Variants in SHTN1 observed in about 807,000 individuals in gnomAD.
The protein encoded by SHTN1 is shootin 1.
In SHTN1, 42 loss-of-function variants were observed where a neutral mutation model predicts 83.1. The ratio of observed to expected loss-of-function variants is 0.51; its 90% CI spans 0.39 to 0.65. The LOEUF is 0.65. SHTN1 is among the 30% of genes least tolerant of loss of function. The probability of loss-of-function intolerance (pLI) is 0.00; values close to 1 mark genes in which losing one functional copy is unlikely to be tolerated. For synonymous variants in SHTN1, 224 were observed against 247.7 expected, an observed-to-expected ratio of 0.90 and a Z score of 0.90; for missense variants, 622 against 737.8, an observed-to-expected ratio of 0.84 and a Z score of 1.82.
chr10:117,027,864 T>C (rs912769928), intron 2 of SHTN1, among the ~76,000 whole-genome samples: 3 of 152,180 alleles, frequency 2.0e-5, no homozygotes, highest in African/African-American at 7.2e-5. Flanking sequence ...AGGTGGGGCA[T>C]TGCTATAAAG....
intron 7 of SHTN1, 124 bp from the exon 8 acceptor site, chr10:116,945,142 G>C (rs772146054): frequency 1.1e-5 from 7 of 658,616 alleles, no homozygotes; most frequent in East Asian, 2.6e-5. Flanking sequence ...ATGCATTCCT[G>C]GTTGGCATAC....
At chr10:117,113,704 G>T (rs1853801241) in intron 1 of SHTN1, among the ~76,000 whole-genome samples, 1 of 152,184 alleles carries the variant, frequency 6.6e-6, no homozygotes, top group Non-Finnish European at 1.5e-5. Flanking sequence ...AGGCGTTCAA[G>T]ACCCGCCTAG....
rs189203169 is a variant in SHTN1 at position 116,988,990 on chromosome 10, T to C, written c.59-9682A>G. On this transcript the variant is annotated intron_variant, in intron 1 of 16. Transcript: ENST00000355371. Reference sequence around the variant, plus strand: ...ATTTAAAGCACAACAAAGTTTAAAATACATATATTTTTTGGATCCCACAAT... The same window carrying C: ...ATTTAAAGCACAACAAAGTTTAAAACACATATATTTTTTGGATCCCACAAT... 1.1e-4 allele frequency among the ~76,000 whole-genome samples: 16 copies of C among 152,254 alleles called. No homozygotes were observed. The East Asian group carries it at 2.7e-3, about 26-fold the overall frequency.
At chr10:117,084,149 TTC>T (rs1296495265) in intron 1 of SHTN1, among the ~76,000 whole-genome samples, 2 of 152,164 alleles carry the variant, frequency 1.3e-5, no homozygotes, top group African/African-American at 4.8e-5. Context: ...AGTTTTTCTG[TTC>T]TGTTTTTTCC....
chr10:117,012,316 T>C lies in SHTN1; in HGVS notation c.-122-33008A>G, dbSNP rs561302543. Among the ~76,000 whole-genome samples, 3 of 151,918 alleles carry C rather than the reference T, an allele frequency of 2.0e-5. No homozygotes were observed. In the East Asian group the frequency reaches 5.8e-4, roughly 29 times the overall value. Reference sequence around the variant, plus strand: ...CAAAAACTAGAATAGCCAAAACAATTCTGAATAAGAACAAAGTTGGAGGAC... The same window carrying C: ...CAAAAACTAGAATAGCCAAAACAATCCTGAATAAGAACAAAGTTGGAGGAC... On this transcript the variant is annotated intron_variant, in intron 2 of 17. Coordinates refer to the SHTN1 transcript ENST00000392901.
chr10:117,041,122 G>A lies in SHTN1; in HGVS notation c.-123+7323C>T, dbSNP rs1450821391. ...CCCCCGCCACCCCACAACAGGCCCC[G>A]GTGTTTAAAATGTTTTGTGTTACTT... On this transcript the variant is annotated intron_variant, in intron 2 of 17. Coordinates refer to the SHTN1 transcript ENST00000392901. Among the ~76,000 whole-genome samples, 7 of 127,802 alleles carry A rather than the reference G, an allele frequency of 5.5e-5. No individual in the cohort carries two copies. In the East Asian group the frequency reaches 7.7e-4, roughly 14 times the overall value. The allele number at this position is 127,802 out of a possible 152,430, so 83.8% of individuals were successfully genotyped here.
intron 1 of SHTN1, among the ~76,000 whole-genome samples, chr10:116,983,063 A>G (rs1158811569): frequency 6.6e-6 from 1 of 152,158 alleles, no homozygotes; most frequent in Non-Finnish European, 1.5e-5. Context: ...ATTTACAGGT[A>G]CAGTATATTT....
intron 2 of SHTN1, among the ~76,000 whole-genome samples, chr10:117,038,017 A>AAAAG (rs1852527103): frequency 6.6e-6 from 1 of 151,660 alleles, no homozygotes; most frequent in African/African-American, 2.4e-5. Flanking sequence ...AAAAAAAAAA[A>AAAAG]AAAATCAGTG....
intron 1 of SHTN1, among the ~76,000 whole-genome samples, chr10:117,062,545 G>A (rs996036439): frequency 6.6e-6 from 1 of 152,122 alleles, no homozygotes; most frequent in African/African-American, 2.4e-5. Context: ...ATGTCAGCAA[G>A]GCCATTTATC....
intron 7 of SHTN1, among the ~76,000 whole-genome samples, chr10:116,947,464 A>G (rs1418558942): frequency 6.6e-6 from 1 of 152,216 alleles, no homozygotes; most frequent in Non-Finnish European, 1.5e-5. Context: ...TACTCAATCT[A>G]CAGCCTCTTC....
intron 2 of SHTN1, among the ~76,000 whole-genome samples, chr10:117,029,529 G>A (rs1047585293): frequency 5.9e-5 from 9 of 152,208 alleles, no homozygotes; most frequent in Non-Finnish European, 1.3e-4. Context: ...CAATTGGAAT[G>A]CTGAATGTTG....
chr10:116,909,863 C>T (rs775269912), intron 14 of SHTN1, among the ~76,000 whole-genome samples: 1 of 152,008 alleles, frequency 6.6e-6, no homozygotes, highest in African/African-American at 2.4e-5. Context: ...ACAATAGAAC[C>T]GAACACAGTG....
chr10:116,994,846 G>C (rs1851570956), intron 1 of SHTN1, among the ~76,000 whole-genome samples: 1 of 95,664 alleles, frequency 1.0e-5, no homozygotes, highest in African/African-American at 3.6e-5. Context: ...AGGGCTCCCT[G>C]GAAGTCTGAA....
At chr10:116,914,692 C>A (rs1320928001) in intron 13 of SHTN1, among the ~76,000 whole-genome samples, 1 of 152,008 alleles carries the variant, frequency 6.6e-6, no homozygotes, top group East Asian at 1.9e-4. Flanking sequence ...TTTTCAAGAA[C>A]AATGTTTAAA....
intron 7 of SHTN1, among the ~76,000 whole-genome samples, chr10:116,946,068 G>A (rs1285310731): frequency 6.6e-6 from 1 of 151,812 alleles, no homozygotes; most frequent in African/African-American, 2.4e-5. Context: ...ACAAATAAAA[G>A]AAAGGAAATA....
intron 1 of SHTN1, among the ~76,000 whole-genome samples, chr10:117,099,269 T>C (rs532496678): frequency 5.9e-5 from 9 of 152,104 alleles, no homozygotes; most frequent in African/African-American, 1.9e-4. Flanking sequence ...AGACTACATA[T>C]TGGGTACAGT....
chr10:116,943,414 G>A (rs993745723), intron 8 of SHTN1, among the ~76,000 whole-genome samples: 2 of 152,080 alleles, frequency 1.3e-5, no homozygotes, highest in East Asian at 1.9e-4. Context: ...AAAATCAGCC[G>A]ACCTTTCCAG....
In SHTN1 at chr10:117,030,342, C is replaced by T. The variant is rs182156882; in HGVS notation, c.-123+18103G>A. 1.1e-3 allele frequency among the ~76,000 whole-genome samples: 173 copies of T among 152,148 alleles called. 1 individual carries two copies. The highest frequency in any genetic ancestry group is 4.1e-3 in the African/African-American group (172 of 41,508). ...GCAGATACAGGTTAGATCACAACACCCAAGTCCTTTTGAATATCTGGAAAC... is the reference window on the plus strand; with the variant it reads ...GCAGATACAGGTTAGATCACAACACTCAAGTCCTTTTGAATATCTGGAAAC... On this transcript the variant is annotated intron_variant, in intron 2 of 17. Coordinates refer to the SHTN1 transcript ENST00000392901.
intron 2 of SHTN1, among the ~76,000 whole-genome samples, chr10:117,047,294 T>G (rs1476641033): frequency 1.3e-5 from 2 of 152,042 alleles, no homozygotes; most frequent in Non-Finnish European, 2.9e-5. Flanking sequence ...CTTGAACTCC[T>G]GACCTCGTGA....
Sources: allele counts gnomAD v4.1 joint callset (sites outside exome capture counted in the v4.1 genomes callset), GRCh38; gene constraint gnomAD v4.1.1; transcripts MANE v1.5; gene names NCBI Gene and HGNC (gene_info 2026-07-23, HGNC 2026-07-21).